Variants in ZBTB1 observed in about 807,000 individuals in gnomAD.
The protein encoded by ZBTB1 is zinc finger and BTB domain-containing protein 1.
A neutral mutation model predicts 51.6 loss-of-function variants in ZBTB1; 13 were observed. That is an observed-to-expected ratio of 0.25 (90% confidence interval 0.16 to 0.40). The LOEUF (loss-of-function observed/expected upper bound fraction) is 0.40, where lower values mean the gene tolerates loss of function less well. Among genes scored for constraint, ZBTB1 ranks in the 10% least tolerant of loss-of-function variants. ZBTB1 has a pLI of 1.00. For synonymous variants in ZBTB1, 240 were observed against 282.2 expected, an observed-to-expected ratio of 0.85 and a Z score of 1.50; for missense variants, 567 against 856.5, an observed-to-expected ratio of 0.66 and a Z score of 4.22.
rs577172952 is a variant in ZBTB1, at chr14:64,520,089, C to T, written c.-18-1398C>T. ...CGATCTCGGCTCACTGCAAGCTCCGCCTCCCAGGTTCATGCCAGTCTCCCG... is the reference window on the plus strand; with the variant it reads ...CGATCTCGGCTCACTGCAAGCTCCGTCTCCCAGGTTCATGCCAGTCTCCCG... On this transcript the variant is annotated intron_variant, in intron 1 of 1. Transcript: ENST00000683701. Among the ~76,000 whole-genome samples, 312 of 152,146 alleles carry T rather than the reference C, an allele frequency of 2.1e-3. 1 individual carries two copies. Among genetic ancestry groups the T allele is most frequent in the African/African-American group, 7.1e-3 (295 of 41,496 alleles).
chr14:64,521,889 T>C lies in ZBTB1; in HGVS notation c.385T>C (p.Ser129Pro). ...ADCSSSKCSS[S>P]ASSKQNSKMI... Reference sequence around the variant, plus strand: ...TTGTTCTAGTTCAAAATGTTCCTCTTCTGCTTCCAGCAAACAGAACAGCAA... The same window carrying C: ...TTGTTCTAGTTCAAAATGTTCCTCTCCTGCTTCCAGCAAACAGAACAGCAA... Residue 129 changes from serine (S) to proline (P), a missense_variant, in exon 2 of 2, where the codon TCT (serine) becomes CCT (proline). Around this residue, in one of 5 missense-constraint regions of ZBTB1, gnomAD observed 74 missense variants for 74.9 expected, o/e 0.99. Coordinates refer to ENST00000683701, the MANE Select transcript of ZBTB1 (RefSeq NM_001123329.2). The C allele has an allele frequency of 3.1e-6, 5 of 1,613,858 alleles. No individual in the cohort carries two copies. Among genetic ancestry groups the C allele is most frequent in the Non-Finnish European group, 4.2e-6 (5 of 1,180,040 alleles).
intron 1 of ZBTB1, chr14:64,518,307 C>G (rs1160153239): frequency 6.6e-6 from 1 of 152,180 alleles, no homozygotes; most frequent in African/African-American, 2.4e-5. Flanking sequence ...TGATTCCTCA[C>G]AGCTTTTTAC....
exon 3 of ZBTB1, chr14:64,532,961 A>G (rs1035858153): frequency 2.0e-5 from 3 of 151,980 alleles, no homozygotes; most frequent in African/African-American, 7.2e-5. Context: ...CCAATTCCTT[A>G]TGATTATTTT....
At position 64,523,334 on chromosome 14, in the gene ZBTB1, A is replaced by G; in HGVS notation, c.1830A>G (p.Thr610=). 6.2e-7 allele frequency: 1 copy of G among 1,614,240 alleles called. No individual in the cohort carries two copies. The highest frequency in any genetic ancestry group is 1.1e-5 in the South Asian group (1 of 91,088). The change falls in exon 2 of 2, where the codon ACA becomes ACG. Residue 610 remains threonine, a synonymous_variant. Coordinates refer to ENST00000683701, the MANE Select transcript of ZBTB1 (RefSeq NM_001123329.2). This position sits in a 1 kb window ranked among gnomAD's most constrained non-coding sequence, Gnocchi z 4.5. ...AGGAAAAACAGTTTGTTTGTCAAAC[A>G]TGTGGAAAGCAGTTTTTAAGAGAGC... ...HTKEKQFVCQ[T]CGKQFLRERQ... is the part of the protein sequence containing the mutation.
chr14:64,513,266 A>G (rs549291125), intron 1 of ZBTB1, among the ~76,000 whole-genome samples: 15 of 152,262 alleles, frequency 9.9e-5, no homozygotes, highest in African/African-American at 3.6e-4. Context: ...TATATGTGTA[A>G]TGTATCTGTG....
At chr14:64,505,251 G>A (rs2079630556) in intron 1 of ZBTB1, 1 of 215,060 alleles carries the variant, frequency 4.6e-6, no homozygotes, top group Admixed American at 5.9e-5. Context: ...CGAGGGGGGA[G>A]GGGAGGTGTA....
intron 1 of ZBTB1, 141 bp downstream of exon 1, chr14:64,505,087 G>C (rs111475126): frequency 2.8e-6 from 1 of 358,530 alleles, no homozygotes; most frequent in Non-Finnish European, 5.0e-6. Flanking sequence ...GCGCTGCGAG[G>C]ACCCGGTGAC....
At position 64,523,192 on chromosome 14, in the gene ZBTB1, A is replaced by G. The variant is rs1405784701; in HGVS notation, c.1688A>G (p.Lys563Arg). 12 of 1,614,214 alleles carry G rather than the reference A, an allele frequency of 7.4e-6. No homozygotes were observed. The highest frequency in any genetic ancestry group is 1.0e-5 in the Non-Finnish European group (12 of 1,180,030). ...MSSCLDQDMF[K>R]SAIMEENERD... is the part of the protein sequence containing the mutation. ...AGCTGCTTAGATCAAGATATGTTTA[A>G]GAGTGCCATCATGGAAGAAAATGAA... The change falls in exon 2 of 2, where the codon AAG becomes AGG. Residue 563 changes from lysine (K) to arginine (R), a missense_variant. By Grantham distance (26) the Lys-to-Arg change is conservative. Around this residue, in one of 5 missense-constraint regions of ZBTB1, gnomAD observed 329 missense variants for 406.3 expected, o/e 0.81. Coordinates refer to ENST00000683701, the MANE Select transcript of ZBTB1 (RefSeq NM_001123329.2). This position sits in a 1 kb window ranked among gnomAD's most constrained non-coding sequence, Gnocchi z 4.5.
chr14:64,521,715 A>G lies in ZBTB1; in HGVS notation c.211A>G (p.Ser71Gly). 6.2e-7 allele frequency: 1 copy of G among 1,614,064 alleles called. No individual in the cohort carries two copies. Among genetic ancestry groups the G allele is most frequent in the Non-Finnish European group, 8.5e-7 (1 of 1,180,042 alleles). Residue 71 changes from serine (S) to glycine (G), a missense_variant, in exon 2 of 2, where the codon AGT (serine) becomes GGT (glycine). Transcript: ENST00000683701. ...AQLNLSNMKI[S>G]AECFDLILQF... ...ACTGAATCTCAGCAACATGAAAATT[A>G]GTGCAGAATGTTTTGATCTCATTTT...
rs1300019965 is a variant in ZBTB1, at chr14:64,523,358, G to A, written c.1854G>A (p.Glu618=). The part of the protein sequence containing the change: ...CQTCGKQFLR[E]RQLRLHNDMH... ...CATGTGGAAAGCAGTTTTTAAGAGA[G>A]CGTCAGTTGCGACTGCACAATGATA... The change falls in exon 2 of 2, where the codon GAG becomes GAA. Residue 618 remains glutamate (E), a synonymous_variant. Coordinates refer to ENST00000683701, the MANE Select transcript of ZBTB1 (RefSeq NM_001123329.2). The surrounding 1 kb of genome is among the most constrained non-coding windows in gnomAD (Gnocchi z 4.5). The A allele has an allele frequency of 1.9e-6, 3 of 1,614,058 alleles. No homozygotes were observed. Among genetic ancestry groups the A allele is most frequent in the African/African-American group, 2.7e-5 (2 of 74,942 alleles).
At chr14:64,504,562 C>T, upstream of ZBTB1, 1 of 199,924 alleles carries the variant, frequency 5.0e-6, no homozygotes. Flanking sequence ...CGCCAGCCTC[C>T]TCGGAGCTCG....
chr14:64,517,618 C>CT (rs1338844692), intron 1 of ZBTB1, among the ~76,000 whole-genome samples: 1 of 151,170 alleles, frequency 6.6e-6, no homozygotes, highest in Non-Finnish European at 1.5e-5. Context: ...TTTTTTTCAT[C>CT]TTTTTTCCCC....
intron 1 of ZBTB1, among the ~76,000 whole-genome samples, chr14:64,511,654 CA>C: frequency 6.6e-6 from 1 of 152,194 alleles, no homozygotes; most frequent in Non-Finnish European, 1.5e-5. Context: ...ATTTCACAGC[CA>C]AGAAGAGATT....
intron 1 of ZBTB1, among the ~76,000 whole-genome samples, chr14:64,507,521 C>T (rs1466597085): frequency 1.3e-5 from 2 of 152,156 alleles, no homozygotes; most frequent in Non-Finnish European, 2.9e-5. Context: ...CGAGAGAAGG[C>T]AACATTTGAT....
rs1245832518 is a variant in ZBTB1, at chr14:64,521,349, TTGAG to T, written c.-18-136_-18-133del. 5 of 632,586 alleles carry T rather than the reference TTGAG, an allele frequency of 7.9e-6. No individual in the cohort carries two copies. The Admixed American group carries it at 1.4e-4, about 17-fold the overall frequency. 39.2% of individuals were successfully genotyped at this position (632,586 alleles called of 1,614,324 possible). Reference sequence around the variant, plus strand: ...TAAAAAATGATTCAAGTATATATTATTGAGTTTTATTAGAATGGAAAGCTCTTAA... The same window carrying T: ...TAAAAAATGATTCAAGTATATATTATTTTTATTAGAATGGAAAGCTCTTAA... On this transcript the variant is annotated intron_variant, in intron 1 of 1. Coordinates refer to ENST00000683701, the MANE Select transcript of ZBTB1 (RefSeq NM_001123329.2).
intron 1 of ZBTB1, among the ~76,000 whole-genome samples, chr14:64,512,142 G>A (rs2079731421): frequency 6.6e-6 from 1 of 152,108 alleles, no homozygotes; most frequent in African/African-American, 2.4e-5. Flanking sequence ...AAAGGCAAAG[G>A]AACATTTGTC....
At chr14:64,525,980 C>G (rs552141728), downstream of ZBTB1, among the ~76,000 whole-genome samples, 1 of 152,062 alleles carries the variant, frequency 6.6e-6, no homozygotes, top group Non-Finnish European at 1.5e-5. Flanking sequence ...CCACCACGCC[C>G]GGCTAATTTT....
In ZBTB1 at chr14:64,522,619, A is replaced by G. The variant is rs558358011; in HGVS notation, c.1115A>G (p.Tyr372Cys). The part of the protein sequence containing the change: ...EDEPEEPFYR[Y>C]YVEEDVSIKK... ...GAACCTGAAGAGCCATTTTATAGATACTATGTTGAAGAAGATGTCAGCATA... is the reference window on the plus strand; with the variant it reads ...GAACCTGAAGAGCCATTTTATAGATGCTATGTTGAAGAAGATGTCAGCATA... Residue 372 changes from tyrosine (Y) to cysteine (C), a missense_variant, in exon 2 of 2, where the codon TAC (tyrosine) becomes TGC (cysteine). Around this residue, in one of 5 missense-constraint regions of ZBTB1, gnomAD observed 329 missense variants for 406.3 expected, o/e 0.81. Coordinates refer to ENST00000683701, the MANE Select transcript of ZBTB1 (RefSeq NM_001123329.2). The G allele has an allele frequency of 1.2e-6, 2 of 1,614,220 alleles. No homozygotes were observed. Among genetic ancestry groups the G allele is most frequent in the East Asian group, 2.2e-5 (1 of 44,892 alleles).
At chr14:64,509,374 AAAAAG>A (rs889034649) in intron 1 of ZBTB1, among the ~76,000 whole-genome samples, 12 of 152,084 alleles carry the variant, frequency 7.9e-5, no homozygotes, top group African/African-American at 1.7e-4. Flanking sequence ...CTGTCTCAAA[AAAAAG>A]AAAAGAAAAA....
Sources: allele counts gnomAD v4.1 joint callset (sites outside exome capture counted in the v4.1 genomes callset), GRCh38; gene constraint gnomAD v4.1.1; regional missense constraint gnomAD v4.1.1; non-coding constraint Gnocchi (gnomAD v3.1); transcripts MANE v1.5; gene names NCBI Gene and HGNC (gene_info 2026-07-23, HGNC 2026-07-21).